The following SLC9B1 variants were observed in gnomAD, a reference collection of about 807,000 sequenced individuals.
The protein encoded by SLC9B1 is sodium/hydrogen exchanger 9B1.
A neutral mutation model predicts 51.7 loss-of-function variants in SLC9B1; 32 were observed. The observed-to-expected ratio is 0.62, with a 90% CI of 0.47 to 0.83. The LOEUF (loss-of-function observed/expected upper bound fraction) is 0.83. Among genes scored for constraint, SLC9B1 ranks in the 40% least tolerant of loss-of-function variants. SLC9B1 has a pLI of 0.00. For missense variants in SLC9B1, 406 were observed against 613.2 expected (o/e 0.66, Z 3.57); for synonymous variants, 145 against 212.7 (o/e 0.68, Z 2.77).
downstream of SLC9B1, among the ~76,000 whole-genome samples, chr4:102,899,262 G>T (rs1356997103): frequency 6.6e-6 from 1 of 150,876 alleles, no homozygotes; most frequent in Non-Finnish European, 1.5e-5. Context: ...AGAATAAAAA[G>T]AATAGTTACA....
intron 3 of SLC9B1, chr4:102,962,413 T>C (rs1434066252): frequency 3.8e-6 from 2 of 531,334 alleles, no homozygotes; most frequent in African/African-American, 3.9e-5. Flanking sequence ...CCATTATTTT[T>C]TAATGACAGA....
intron 6 of SLC9B1, among the ~76,000 whole-genome samples, chr4:102,940,979 A>G (rs199750799): frequency 6.6e-6 from 1 of 152,310 alleles, no homozygotes; most frequent in Admixed American, 6.5e-5. Context: ...TCACCTCAAG[A>G]TAGATTAAAG....
chr4:103,009,827 A>G (rs1740997761), intron 1 of SLC9B1, among the ~76,000 whole-genome samples: 1 of 152,224 alleles, frequency 6.6e-6, no homozygotes, highest in South Asian at 2.1e-4. Flanking sequence ...ATAAACAACC[A>G]CAGTATACAT....
At chr4:102,961,800 C>T (rs1738146919) in intron 3 of SLC9B1, among the ~76,000 whole-genome samples, 1 of 152,124 alleles carries the variant, frequency 6.6e-6, no homozygotes, top group Admixed American at 6.5e-5. Context: ...TATACATGTG[C>T]CATGTGGTTT....
chr4:102,996,494 C>T (rs1740224776), intron 1 of SLC9B1, among the ~76,000 whole-genome samples: 1 of 152,232 alleles, frequency 6.6e-6, no homozygotes, highest in Non-Finnish European at 1.5e-5. Flanking sequence ...CTTCCACAAA[C>T]ATTATTGTTT....
chr4:102,928,893 A>G (rs1222388655), intron 7 of SLC9B1, among the ~76,000 whole-genome samples: 1 of 152,146 alleles, frequency 6.6e-6, no homozygotes, highest in African/African-American at 2.4e-5. Flanking sequence ...AAGAACCTGG[A>G]GTCTGATATT....
At chr4:102,901,831 G>A (rs993052087) in intron 11 of SLC9B1, among the ~76,000 whole-genome samples, 3 of 152,166 alleles carry the variant, frequency 2.0e-5, no homozygotes, top group Non-Finnish European at 2.9e-5. Context: ...CTAGCAAACC[G>A]GGTTTGAATT....
intron 11 of SLC9B1, chr4:102,891,208 A>ATG (rs1045360590): frequency 6.6e-6 from 1 of 151,918 alleles, no homozygotes; most frequent in Non-Finnish European, 1.5e-5. Context: ...AAAATTTTTA[A>ATG]TGGTAGAGGC....
intron 1 of SLC9B1, among the ~76,000 whole-genome samples, chr4:102,993,266 A>C (rs530632071): frequency 1.3e-5 from 2 of 152,338 alleles, no homozygotes; most frequent in East Asian, 3.9e-4. Flanking sequence ...GAAGTTGGTT[A>C]CTTCCTAGGT....
chr4:102,906,122 G>C (rs1285865159), intron 10 of SLC9B1, among the ~76,000 whole-genome samples: 2 of 152,038 alleles, frequency 1.3e-5, no homozygotes, highest in Non-Finnish European at 2.9e-5. Context: ...TTTTAGGAGA[G>C]AGGGGGTTCC....
At chr4:102,912,784 G>C (rs1487767290) in intron 7 of SLC9B1, among the ~76,000 whole-genome samples, 1 of 152,108 alleles carries the variant, frequency 6.6e-6, no homozygotes, top group African/African-American at 2.4e-5. Context: ...TAGGCTGAGG[G>C]AGGAGGTCCC....
intron 6 of SLC9B1, among the ~76,000 whole-genome samples, chr4:102,940,956 C>A (rs1736964614): frequency 6.6e-6 from 1 of 152,156 alleles, no homozygotes; most frequent in African/African-American, 2.4e-5. Context: ...ATACGTTTCA[C>A]CGTTTACAAA....
At chr4:102,932,912 G>C (rs1250629756) in intron 6 of SLC9B1, among the ~76,000 whole-genome samples, 8 of 152,084 alleles carry the variant, frequency 5.3e-5, no homozygotes, top group Admixed American at 5.2e-4. Flanking sequence ...AGAGTTGTCT[G>C]CCCAAAAAAA....
intron 3 of SLC9B1, among the ~76,000 whole-genome samples, chr4:102,975,905 G>T (rs565970437): frequency 6.6e-6 from 1 of 151,794 alleles, no homozygotes; most frequent in South Asian, 2.1e-4. Context: ...GCATAAATAT[G>T]ATATCTTGGA....
At chr4:102,888,784 T>C (rs188244827) in intron 11 of SLC9B1, 4 of 152,268 alleles carry the variant, frequency 2.6e-5, no homozygotes, top group Non-Finnish European at 5.9e-5. Context: ...CTGGGCTCTG[T>C]AGGGAATCCT....
At chr4:103,009,734 G>A (rs1740994091) in intron 1 of SLC9B1, among the ~76,000 whole-genome samples, 1 of 152,174 alleles carries the variant, frequency 6.6e-6, no homozygotes. Flanking sequence ...TTGTGAGTAT[G>A]TATTGCTTTG....
chr4:102,989,153 A>G (rs943716011), intron 3 of SLC9B1, among the ~76,000 whole-genome samples: 5 of 152,114 alleles, frequency 3.3e-5, no homozygotes, highest in Non-Finnish European at 7.4e-5. Flanking sequence ...AAAGTTAGCA[A>G]GCAGCAAATA....
chr4:102,924,176 C>T (rs934125786), intron 7 of SLC9B1, among the ~76,000 whole-genome samples: 9 of 152,144 alleles, frequency 5.9e-5, no homozygotes, highest in African/African-American at 1.9e-4. Context: ...GCTACAGTAA[C>T]CAAAACAGCA....
At chr4:102,994,213 C>T (rs1481548763) in intron 1 of SLC9B1, among the ~76,000 whole-genome samples, 2 of 152,130 alleles carry the variant, frequency 1.3e-5, no homozygotes, top group Non-Finnish European at 2.9e-5. Flanking sequence ...TCTGCTTCCT[C>T]TTGAACACTT....
Sources: allele counts gnomAD v4.1 joint callset (sites outside exome capture counted in the v4.1 genomes callset), GRCh38; gene constraint gnomAD v4.1.1; transcripts MANE v1.5; gene names NCBI Gene and HGNC (gene_info 2026-07-23, HGNC 2026-07-21).